Variants in RSPH6A observed in about 807,000 individuals in gnomAD.
RSPH6A encodes the protein radial spoke head 6 homolog A, also known as radial spoke head protein 6 homolog A.
In RSPH6A, 49 loss-of-function variants were observed where a neutral mutation model predicts 66.1. The observed-to-expected ratio is 0.74, with a 90% CI of 0.59 to 0.94. The LOEUF (loss-of-function observed/expected upper bound fraction) is 0.94, where lower values mean the gene tolerates loss of function less well. Ranked by LOEUF, RSPH6A falls within the 40% of genes least tolerant of loss-of-function variation. The pLI is 0.00. For missense variants in RSPH6A, 977 were observed against 948.3 expected, an observed-to-expected ratio of 1.03 and a Z score of -0.40; for synonymous variants, 419 against 402.4, an observed-to-expected ratio of 1.04 and a Z score of -0.49.
At chr19:45,803,052 C>CA (rs1211112375) in intron 3 of RSPH6A, among the ~76,000 whole-genome samples, 5 of 150,192 alleles carry the variant, frequency 3.3e-5, no homozygotes, top group South Asian at 2.1e-4. Flanking sequence ...ACTAAAACTA[C>CA]AAAAAAAATA....
chr19:45,798,041 G>A (rs1970426979), intron 5 of RSPH6A, among the ~76,000 whole-genome samples: 1 of 152,050 alleles, frequency 6.6e-6, no homozygotes, highest in South Asian at 2.1e-4. Context: ...TAAGAGGTAG[G>A]GAGAGAGGGA....
intron 2 of RSPH6A, among the ~76,000 whole-genome samples, chr19:45,806,989 G>C (rs1970552774): frequency 6.6e-6 from 1 of 151,386 alleles, no homozygotes; most frequent in Non-Finnish European, 1.5e-5. Context: ...CCACTCCTGG[G>C]TTCAAGCCAT....
Position 45,810,782 on chromosome 19 carries a change from A to C in RSPH6A, c.709T>G (p.Leu237Val), listed in dbSNP as rs901115877. 9 of 1,613,728 alleles carry C rather than the reference A, an allele frequency of 5.6e-6. No individual in the cohort carries two copies. The highest frequency in any genetic ancestry group is 6.8e-6 in the Non-Finnish European group (8 of 1,179,848). The change falls in exon 2 of 6, where the codon TTG becomes GTG. Residue 237 changes from leucine (L) to valine (V), a missense_variant. Coordinates refer to ENST00000221538, the MANE Select transcript of RSPH6A (RefSeq NM_030785.4). ...KILNQRPEDP[L>V]SVLESLNRTT... The stretch of plus-strand genomic sequence containing the variant: ...CGGTTCAGAGACTCCAGGACAGACA[A>C]GGGGTCCTCAGGCCGCTGGTTCAGG...
At position 45,815,096 on chromosome 19, in the gene RSPH6A, C is replaced by T. The variant is rs780438780; in HGVS notation, c.81G>A (p.Arg27=). The T allele has an allele frequency of 6.2e-6, 10 of 1,613,074 alleles. 1 individual carries two copies. In the South Asian group the frequency reaches 8.8e-5, roughly 14 times the overall value. Residue 27 remains arginine, a synonymous_variant, in exon 1 of 6, where the codon CGG becomes CGA. Coordinates refer to ENST00000221538, the MANE Select transcript of RSPH6A (RefSeq NM_030785.4). ...GRRTSQASQR[R]HSRDQAQALA... ...GGGCCTGAGCTTGGTCCCGACTGTG[C>T]CGCCTCTGGGAGGCCTGAGAAGTCC...
intron 2 of RSPH6A, 76 bp from the exon 3 acceptor site, chr19:45,805,092 C>T: frequency 7.6e-7 from 1 of 1,315,556 alleles, no homozygotes; most frequent in Non-Finnish European, 1.0e-6. Context: ...CCAGACTCTT[C>T]TAGAGTCAAG....
At chr19:45,809,428 C>T (rs1015324152) in intron 2 of RSPH6A, among the ~76,000 whole-genome samples, 12 of 151,114 alleles carry the variant, frequency 7.9e-5, no homozygotes, top group South Asian at 4.2e-4. Context: ...CCTCAGCCTC[C>T]CTAGTAGCTG....
chr19:45,805,648 C>T (rs1970534360), intron 2 of RSPH6A, among the ~76,000 whole-genome samples: 1 of 151,952 alleles, frequency 6.6e-6, no homozygotes, highest in Non-Finnish European at 1.5e-5. Context: ...GCCAAGATCA[C>T]ACCACTGCAC....
chr19:45,799,591 T>C (rs1970445314), intron 5 of RSPH6A, among the ~76,000 whole-genome samples: 1 of 151,794 alleles, frequency 6.6e-6, no homozygotes, highest in Admixed American at 6.6e-5. Context: ...TTCCTCTCGC[T>C]GGTCTCAAGC....
chr19:45,803,939 G>C (rs1970505350), intron 3 of RSPH6A, among the ~76,000 whole-genome samples: 1 of 147,478 alleles, frequency 6.8e-6, no homozygotes, highest in Non-Finnish European at 1.5e-5. Flanking sequence ...GTTGCAGTGA[G>C]CCGAGATCGT....
rs1211976089 is a variant in RSPH6A, at chr19:45,815,121, C to T, written c.56G>A (p.Arg19Lys). ...ERPAQQPPGR[R>K]TSQASQRRHS... The stretch of plus-strand genomic sequence containing the variant: ...CCGCCTCTGGGAGGCCTGAGAAGTC[C>T]TCCGGCCCGGAGGCTGCTGGGCAGG... The change falls in exon 1 of 6, where the codon AGG becomes AAG. Residue 19 changes from arginine (R) to lysine (K), a missense_variant. Transcript: ENST00000221538. 6.2e-7 allele frequency: 1 copy of T among 1,612,214 alleles called. No individual in the cohort carries two copies. Among genetic ancestry groups the T allele is most frequent in the Admixed American group, 1.7e-5 (1 of 60,004 alleles).
chr19:45,810,551 G>T, intron 2 of RSPH6A, 52 bp downstream of exon 2: 2 of 1,539,808 alleles, frequency 1.3e-6, no homozygotes, highest in Non-Finnish European at 9.0e-7. Flanking sequence ...CCCTAAGTAT[G>T]CTTGGGCCCC....
chr19:45,803,715 G>C (rs1456057148), intron 3 of RSPH6A, among the ~76,000 whole-genome samples: 1 of 148,980 alleles, frequency 6.7e-6, no homozygotes, highest in Non-Finnish European at 1.5e-5. Context: ...AAACCAGCCA[G>C]GGCGCAGTGG....
At chr19:45,810,358 G>C (rs1330880904) in intron 2 of RSPH6A, among the ~76,000 whole-genome samples, 2 of 152,018 alleles carry the variant, frequency 1.3e-5, no homozygotes, top group East Asian at 1.9e-4. Context: ...TTTTAGTAGA[G>C]ACGGGGTTTC....
At position 45,804,953 on chromosome 19, in the gene RSPH6A, GGCCGAC is replaced by G. The variant is rs755768240; in HGVS notation, c.946_951del (p.Val316_Gly317del). ...ATGCGGAAGCTCTCGTCCGAGCTCA[GGCCGAC>G]GCCGGCCTGCTCGAAGTAGAAGGCA... On this transcript the variant is annotated inframe_deletion, in exon 3 of 6. Transcript: ENST00000221538. The surrounding 1 kb of genome is among the most constrained non-coding windows in gnomAD (Gnocchi z 5.8). 1.9e-6 allele frequency: 3 copies of G among 1,614,106 alleles called. No homozygotes were observed. The highest frequency in any genetic ancestry group is 2.5e-6 in the Non-Finnish European group (3 of 1,180,038).
At chr19:45,796,726 T>G (rs967417113) in intron 5 of RSPH6A, among the ~76,000 whole-genome samples, 7 of 151,920 alleles carry the variant, frequency 4.6e-5, no homozygotes, top group African/African-American at 1.5e-4. Flanking sequence ...TTAGCCAGGC[T>G]GGTCTCAAAC....
Position 45,814,693 on chromosome 19 carries a change from G to A in RSPH6A, c.484C>T (p.Gln162Ter). 3 of 1,612,666 alleles carry A rather than the reference G, an allele frequency of 1.9e-6. No individual in the cohort carries two copies. Among genetic ancestry groups the A allele is most frequent in the Non-Finnish European group, 1.7e-6 (2 of 1,179,280 alleles). Reference sequence around the variant, plus strand: ...TCATCCCTTATGTAAGGCCCGTGCTGGGCACCTTCAGAGAACTGGTCTGTC... The same window carrying A: ...TCATCCCTTATGTAAGGCCCGTGCTAGGCACCTTCAGAGAACTGGTCTGTC... Reference protein sequence around the residue: ...YQTDQFSEGAQHGPYIRDDPA... With the variant: ...YQTDQFSEGA Residue 162 changes from glutamine to a stop codon, truncating the protein, a stop_gained, in exon 1 of 6, where the codon CAG (glutamine) becomes TAG (stop). Transcript: ENST00000221538. LOFTEE classifies it high-confidence loss of function.
rs531387283 is a variant in RSPH6A at position 45,803,379 on chromosome 19, C to T, written c.1653+873G>A. Among the ~76,000 whole-genome samples the T allele has an allele frequency of 7.3e-5, 11 of 149,894 alleles. No individual in the cohort carries two copies. In the East Asian group the frequency reaches 2.2e-3, roughly 30 times the overall value. ...TGGGCAACAAAGCAAGTTGCTATGT[C>T]TTAAAAGAAAAAAAAAGCTGGGCAT... On this transcript the variant is annotated intron_variant, in intron 3 of 5. Coordinates refer to ENST00000221538, the MANE Select transcript of RSPH6A (RefSeq NM_030785.4).
In RSPH6A at chr19:45,804,948, GC is replaced by G; in HGVS notation, c.956del (p.Ser319ThrfsTer12). The G allele has an allele frequency of 6.2e-7, 1 of 1,614,142 alleles. No individual in the cohort carries two copies. The highest frequency in any genetic ancestry group is 1.7e-5 in the Admixed American group (1 of 60,026). ...FYFEQAGVGL[S>X]SDESFRIFLA... Reference sequence around the variant, plus strand: ...GGAAAATGCGGAAGCTCTCGTCCGAGCTCAGGCCGACGCCGGCCTGCTCGAA... The same window carrying G: ...GGAAAATGCGGAAGCTCTCGTCCGAGTCAGGCCGACGCCGGCCTGCTCGAA... On this transcript the variant is annotated frameshift_variant, in exon 3 of 6. Transcript: ENST00000221538. LOFTEE classifies it high-confidence loss of function. This position sits in a 1 kb window ranked among gnomAD's most constrained non-coding sequence, Gnocchi z 5.8.
rs1970512216 is a variant in RSPH6A, at chr19:45,804,412, C to T, written c.1493G>A (p.Gly498Asp). ...ISAATQVSPL[G>D]FYQFSEEEGD... The stretch of plus-strand genomic sequence containing the variant: ...CTCCTCCTCACTAAACTGGTAGAAG[C>T]CCAGCGGGCTGACCTGCGTGGCGGC... The change falls in exon 3 of 6, where the codon GGC becomes GAC. Residue 498 changes from glycine to aspartate, a missense_variant. Physicochemically the swap from Gly to Asp is moderately conservative, Grantham distance 94 (BLOSUM62 -1). Coordinates refer to ENST00000221538, the MANE Select transcript of RSPH6A (RefSeq NM_030785.4). The surrounding 1 kb of genome is among the most constrained non-coding windows in gnomAD (Gnocchi z 5.8). 1 of 1,613,802 alleles carries T rather than the reference C, an allele frequency of 6.2e-7. No homozygotes were observed. Among genetic ancestry groups the T allele is most frequent in the Non-Finnish European group, 8.5e-7 (1 of 1,179,982 alleles).
Sources: gnomAD v4.1 joint callset for allele counts (sites outside exome capture counted in the v4.1 genomes callset) on GRCh38, gnomAD v4.1.1 for gene constraint, Gnocchi (gnomAD v3.1) non-coding constraint, MANE v1.5 for transcripts, NCBI Gene and HGNC (gene_info 2026-07-23, HGNC 2026-07-21) for gene names.